CCDC102B: variants seen among roughly 807,000 people sequenced by gnomAD.
CCDC102B encodes coiled-coil domain containing 102B, also known as coiled-coil domain-containing protein 102B.
A neutral mutation model predicts 57.4 loss-of-function variants in CCDC102B; 75 were observed. The ratio of observed to expected loss-of-function variants is 1.31; its 90% confidence interval spans 1.08 to 1.58. The LOEUF (loss-of-function observed/expected upper bound fraction) is 1.58. Ranked by LOEUF, CCDC102B falls within the 40% of genes most tolerant of loss-of-function variation. The probability of loss-of-function intolerance (pLI) is 0.00; values close to 1 mark genes in which losing one functional copy is unlikely to be tolerated. For synonymous variants in CCDC102B, 206 were observed against 201.9 expected (o/e 1.02, Z -0.17); for missense variants, 636 against 582.6 (o/e 1.09, Z -0.94).
intron 5 of CCDC102B, among the ~76,000 whole-genome samples, chr18:68,880,812 G>C (rs2039668338): frequency 6.6e-6 from 1 of 152,054 alleles, no homozygotes; most frequent in Non-Finnish European, 1.5e-5. Flanking sequence ...TTTAATCCTA[G>C]TAGTCACAAG....
At chr18:69,026,951 C>A (rs2052009776) in intron 7 of CCDC102B, among the ~76,000 whole-genome samples, 1 of 152,136 alleles carries the variant, frequency 6.6e-6, no homozygotes, top group South Asian at 2.1e-4. Context: ...GAGGATAGCA[C>A]CCAGCCTGTT....
At chr18:68,861,318 T>C (rs1453369266) in intron 4 of CCDC102B, among the ~76,000 whole-genome samples, 1 of 151,928 alleles carries the variant, frequency 6.6e-6, no homozygotes, top group Non-Finnish European at 1.5e-5. Flanking sequence ...CTCTGCACTA[T>C]GTATCATATT....
intron 6 of CCDC102B, among the ~76,000 whole-genome samples, chr18:68,965,545 G>A (rs1203171294): frequency 6.6e-6 from 1 of 151,076 alleles, no homozygotes; most frequent in African/African-American, 2.4e-5. Context: ...GACCAACATG[G>A]CACATGTATA....
At chr18:68,977,742 A>G (rs1418700123) in intron 6 of CCDC102B, among the ~76,000 whole-genome samples, 1 of 151,998 alleles carries the variant, frequency 6.6e-6, no homozygotes, top group Non-Finnish European at 1.5e-5. Context: ...GGATCTTACA[A>G]TTAATTTGAG....
At chr18:68,790,144 G>A (rs1315653949) in intron 2 of CCDC102B, among the ~76,000 whole-genome samples, 1 of 150,714 alleles carries the variant, frequency 6.6e-6, no homozygotes, top group East Asian at 2.0e-4. Flanking sequence ...GGCTGCTCAG[G>A]GGTCAGGGGT....
intron 7 of CCDC102B, among the ~76,000 whole-genome samples, chr18:69,014,017 G>A (rs2051592150): frequency 6.6e-6 from 1 of 152,058 alleles, no homozygotes. Flanking sequence ...GTAGGGATAA[G>A]AGAATATGAT....
intron 2 of CCDC102B, chr18:68,718,202 T>C (rs2071869357): frequency 6.6e-6 from 1 of 152,248 alleles, no homozygotes; most frequent in Admixed American, 6.5e-5. Flanking sequence ...CCAAAAGTCA[T>C]ATACAAGAAT....
intron 6 of CCDC102B, among the ~76,000 whole-genome samples, chr18:68,920,511 A>C (rs56198444): frequency 0.56 from 85,159 of 152,018 alleles, 24,651 homozygotes; most frequent in East Asian, 0.95. Context: ...AAAGACGTTT[A>C]ATTGGACTTA....
chr18:68,734,486 T>G (rs1169426276), intron 2 of CCDC102B, among the ~76,000 whole-genome samples: 1 of 152,234 alleles, frequency 6.6e-6, no homozygotes, highest in African/African-American at 2.4e-5. Context: ...ATCATCTGGC[T>G]TACGGAGAAA....
intron 6 of CCDC102B, among the ~76,000 whole-genome samples, chr18:69,008,664 AG>A (rs772202262): frequency 1.3e-5 from 2 of 152,150 alleles, no homozygotes; most frequent in Non-Finnish European, 2.9e-5. Flanking sequence ...CCTAAGAGTG[AG>A]GACCAGCATT....
intron 6 of CCDC102B, among the ~76,000 whole-genome samples, chr18:68,972,846 CG>C (rs1320532350): frequency 5.9e-5 from 9 of 151,836 alleles, no homozygotes; most frequent in Non-Finnish European, 1.3e-4. Flanking sequence ...TTTTAGACGC[CG>C]GTCAAAAATG....
At chr18:68,992,186 G>A (rs1338277960) in intron 6 of CCDC102B, among the ~76,000 whole-genome samples, 1 of 152,108 alleles carries the variant, frequency 6.6e-6, no homozygotes, top group Non-Finnish European at 1.5e-5. Flanking sequence ...TGCTTGGGAA[G>A]GGAGTTTGGA....
intron 6 of CCDC102B, among the ~76,000 whole-genome samples, chr18:68,993,771 C>A (rs1032631865): frequency 6.6e-6 from 1 of 152,066 alleles, no homozygotes; most frequent in Non-Finnish European, 1.5e-5. Flanking sequence ...ATATAAAAAT[C>A]ATTGTAAAGA....
chr18:68,863,186 ATATATATT>A (rs2038833800), intron 4 of CCDC102B, among the ~76,000 whole-genome samples: 1 of 151,496 alleles, frequency 6.6e-6, no homozygotes, highest in Admixed American at 6.6e-5. Flanking sequence ...GTTTATATAT[ATATATATT>A]TATATCTATT....
intron 4 of CCDC102B, among the ~76,000 whole-genome samples, chr18:68,847,065 A>G (rs140434397): frequency 1.1e-4 from 16 of 151,936 alleles, no homozygotes; most frequent in Non-Finnish European, 2.4e-4. Context: ...GCATGGTATT[A>G]CATAAGTGTG....
chr18:68,743,292 C>T (rs1232950875), intron 2 of CCDC102B, among the ~76,000 whole-genome samples: 1 of 151,880 alleles, frequency 6.6e-6, no homozygotes, highest in African/African-American at 2.4e-5. Context: ...CCTATAGTCC[C>T]AGCTACTCAG....
intron 6 of CCDC102B, among the ~76,000 whole-genome samples, chr18:68,995,863 G>T (rs1457111823): frequency 6.6e-6 from 1 of 152,132 alleles, no homozygotes; most frequent in Non-Finnish European, 1.5e-5. Context: ...GCTTGGAAAA[G>T]TCACAGGCAC....
At chr18:68,896,604 A>T (rs1287291435) in intron 5 of CCDC102B, among the ~76,000 whole-genome samples, 1 of 151,876 alleles carries the variant, frequency 6.6e-6, no homozygotes, top group Non-Finnish European at 1.5e-5. Context: ...TCCCAATACG[A>T]TTTTATTTGT....
At chr18:69,033,898 T>G (rs2052215194) in intron 7 of CCDC102B, among the ~76,000 whole-genome samples, 1 of 152,070 alleles carries the variant, frequency 6.6e-6, no homozygotes, top group African/African-American at 2.4e-5. Flanking sequence ...CCTCCTTTGG[T>G]GTGAAGTGGT....
Sources: allele counts gnomAD v4.1 joint callset (sites outside exome capture counted in the v4.1 genomes callset), GRCh38; gene constraint gnomAD v4.1.1; transcripts MANE v1.5; gene names NCBI Gene and HGNC (gene_info 2026-07-23, HGNC 2026-07-21).